PTPRZ1: variants seen among roughly 807,000 people sequenced by gnomAD.
PTPRZ1 encodes protein tyrosine phosphatase receptor type Z1, also known as receptor-type tyrosine-protein phosphatase zeta.
In PTPRZ1, 82 loss-of-function variants were observed where a neutral mutation model predicts 214.1. The observed-to-expected ratio is 0.38, with a 90% confidence interval of 0.32 to 0.46. PTPRZ1 has a LOEUF of 0.46. Ranked by LOEUF, PTPRZ1 falls within the 20% of genes least tolerant of loss-of-function variation. The pLI is 1.00. For synonymous variants in PTPRZ1, 945 were observed against 987.9 expected, an observed-to-expected ratio of 0.96 and a Z score of 0.81; for missense variants, 2,603 against 2,748.7, an observed-to-expected ratio of 0.95 and a Z score of 1.19.
chr7:121,925,641 G>GT (rs1321885472), intron 1 of PTPRZ1, among the ~76,000 whole-genome samples: 1 of 152,198 alleles, frequency 6.6e-6, no homozygotes, highest in Non-Finnish European at 1.5e-5. Flanking sequence ...AGGTTTTTAA[G>GT]TGCTGGAGTG....
Position 122,011,567 on chromosome 7 carries a change from A to G in PTPRZ1, c.2521A>G (p.Ile841Val). The change falls in exon 12 of 30, where the codon ATC becomes GTC. Residue 841 changes from isoleucine to valine, a missense_variant. Physicochemically the swap from Ile to Val is conservative, Grantham distance 29 (BLOSUM62 3). This residue lies in a region of PTPRZ1 where 1,913 missense variants were observed against 1,914.3 expected (regional missense o/e 1.00). Coordinates refer to ENST00000393386, the MANE Select transcript of PTPRZ1 (RefSeq NM_002851.3). Reference sequence around the variant, plus strand: ...TCGCCATCTGCATACAGTTTCTCAAATCCTTCCACAAGTTACTTCAGCTAC... The same window carrying G: ...TCGCCATCTGCATACAGTTTCTCAAGTCCTTCCACAAGTTACTTCAGCTAC... ...LFRHLHTVSQ[I>V]LPQVTSATES... The G allele has an allele frequency of 6.2e-7, 1 of 1,613,950 alleles. No homozygotes were observed. The highest frequency in any genetic ancestry group is 8.5e-7 in the Non-Finnish European group (1 of 1,179,984).
intron 11 of PTPRZ1, 28 bp downstream of exon 11, chr7:122,004,688 GT>G: frequency 8.2e-7 from 1 of 1,217,340 alleles, no homozygotes; most frequent in Non-Finnish European, 1.2e-6. Context: ...ATATTCAAAT[GT>G]TTTAATATTA....
chr7:122,045,683 T>TGCACACACACAC (rs1799870931), intron 23 of PTPRZ1, among the ~76,000 whole-genome samples: 1 of 146,500 alleles, frequency 6.8e-6, no homozygotes, highest in Non-Finnish European at 1.5e-5. Flanking sequence ...CTAAATAAAT[T>TGCACACACACAC]ACACACACAC....
chr7:121,989,772 T>C (rs138154311), intron 8 of PTPRZ1, among the ~76,000 whole-genome samples: 3 of 152,288 alleles, frequency 2.0e-5, no homozygotes, highest in Admixed American at 2.0e-4. Flanking sequence ...TTTTATTAAA[T>C]TCAATCTGAA....
chr7:121,978,825 A>G (rs543775224), intron 6 of PTPRZ1, among the ~76,000 whole-genome samples: 1 of 152,262 alleles, frequency 6.6e-6, no homozygotes, highest in African/African-American at 2.4e-5. Context: ...CCCAAACCAA[A>G]TAAGTTAAGT....
At chr7:121,967,871 A>G (rs1021630372) in intron 2 of PTPRZ1, 80 bp from the exon 3 acceptor site, 3 of 967,280 alleles carry the variant, frequency 3.1e-6, no homozygotes, top group Admixed American at 5.4e-5. Context: ...ATTTTTATGT[A>G]ATGTATTAAC....
intron 12 of PTPRZ1, among the ~76,000 whole-genome samples, chr7:122,015,711 A>G (rs1798823492): frequency 6.6e-6 from 1 of 152,090 alleles, no homozygotes; most frequent in Admixed American, 6.5e-5. Flanking sequence ...AAGGATATAT[A>G]TAATGAGATG....
chr7:121,953,542 C>A (rs1459844151), intron 2 of PTPRZ1, among the ~76,000 whole-genome samples: 2 of 152,148 alleles, frequency 1.3e-5, no homozygotes, highest in Admixed American at 6.6e-5. Flanking sequence ...TATCACTTTG[C>A]AATACAAAGA....
intron 2 of PTPRZ1, among the ~76,000 whole-genome samples, chr7:121,965,506 A>G (rs1797022716): frequency 6.6e-6 from 1 of 152,198 alleles, no homozygotes; most frequent in Admixed American, 6.6e-5. Context: ...TCACTTCTCC[A>G]AAACTAGCAA....
At chr7:121,928,093 C>A in intron 1 of PTPRZ1, 63 bp from the exon 2 acceptor site, 1 of 1,155,112 alleles carries the variant, frequency 8.7e-7, no homozygotes, top group Non-Finnish European at 1.3e-6. Flanking sequence ...ATAATTTGGG[C>A]ATCTTTTATT....
At chr7:121,919,574 A>G (rs1381824742) in intron 1 of PTPRZ1, among the ~76,000 whole-genome samples, 2 of 152,084 alleles carry the variant, frequency 1.3e-5, no homozygotes, top group African/African-American at 4.8e-5. Flanking sequence ...GATTAATTTA[A>G]TGTTCACTTT....
At chr7:121,957,056 A>G (rs562912063) in intron 2 of PTPRZ1, among the ~76,000 whole-genome samples, 2 of 152,362 alleles carry the variant, frequency 1.3e-5, no homozygotes, top group Admixed American at 6.5e-5. Flanking sequence ...AAAAATGCGC[A>G]CACTTCGCTT....
Position 121,873,328 on chromosome 7 carries a change from T to TCTCTCA in PTPRZ1, c.-171_-170insTCTCAC, listed in dbSNP as rs1554421601. On this transcript the variant is annotated 5_prime_UTR_variant, in exon 1 of 30. Transcript: ENST00000393386. ...GTCTCTGTCTCTGTCTCTCTCTCTC[T>TCTCTCA]CACACACACACACACACACACAAAC... The TCTCTCA allele has an allele frequency of 2.3e-4, 120 of 533,196 alleles. No individual in the cohort carries two copies. The highest frequency in any genetic ancestry group is 1.6e-3 in the African/African-American group (83 of 50,762). The allele number at this position is 533,196 out of a possible 1,614,324, so 33.0% of individuals were successfully genotyped here.
At chr7:122,046,039 G>A (rs1035405212) in intron 23 of PTPRZ1, among the ~76,000 whole-genome samples, 1 of 152,140 alleles carries the variant, frequency 6.6e-6, no homozygotes, top group Admixed American at 6.5e-5. Flanking sequence ...CCAGGCTTTT[G>A]TGTTATTAGG....
At chr7:121,906,633 T>G (rs1270663070) in intron 1 of PTPRZ1, among the ~76,000 whole-genome samples, 1 of 152,128 alleles carries the variant, frequency 6.6e-6, no homozygotes, top group East Asian at 1.9e-4. Context: ...ATAAGATTTG[T>G]TTGAAGGGGC....
intron 11 of PTPRZ1, among the ~76,000 whole-genome samples, chr7:122,006,054 A>T (rs879343303): frequency 6.6e-6 from 1 of 152,136 alleles, no homozygotes; most frequent in Non-Finnish European, 1.5e-5. Flanking sequence ...TTCTACATAA[A>T]ACTATAATAT....
At position 122,038,846 on chromosome 7, in the gene PTPRZ1, T is replaced by C. The variant is rs183170325; in HGVS notation, c.5459T>C (p.Val1820Ala). The C allele has an allele frequency of 5.0e-6, 8 of 1,613,884 alleles. No homozygotes were observed. The Admixed American group carries it at 5.0e-5, about 10-fold the overall frequency. The change falls in exon 19 of 30, where the codon GTG (valine) becomes GCG (alanine). Residue 1820 changes from valine (V) to alanine (A), a missense_variant. Physicochemically the swap from Val to Ala is moderately conservative, Grantham distance 64 (BLOSUM62 0). Around this residue, in one of 6 missense-constraint regions of PTPRZ1, gnomAD observed 1,913 missense variants for 1,914.3 expected, o/e 1.00. Transcript: ENST00000393386. Reference protein sequence around the residue: ...DFWRMIWEHNVEVIVMITNLV... With the variant: ...DFWRMIWEHNAEVIVMITNLV... The stretch of plus-strand genomic sequence containing the variant: ...TGGAGAATGATATGGGAACATAATG[T>C]GGAAGTTATTGTCATGATAACAAAC...
At chr7:121,885,192 T>C (rs1349775471) in intron 1 of PTPRZ1, among the ~76,000 whole-genome samples, 1 of 152,234 alleles carries the variant, frequency 6.6e-6, no homozygotes, top group Non-Finnish European at 1.5e-5. Flanking sequence ...TCTTCTTATA[T>C]GTTCTGTTCA....
chr7:122,052,042 G>A, intron 25 of PTPRZ1, 103 bp downstream of exon 25: 1 of 848,968 alleles, frequency 1.2e-6, no homozygotes, highest in Non-Finnish European at 1.8e-6. Context: ...GCAAATGAGT[G>A]GTAAATTTAA....
Sources: gnomAD v4.1 joint callset for allele counts (sites outside exome capture counted in the v4.1 genomes callset) on GRCh38, gnomAD v4.1.1 for gene constraint, gnomAD v4.1.1 regional missense constraint, MANE v1.5 for transcripts, NCBI Gene and HGNC (gene_info 2026-07-23, HGNC 2026-07-21) for gene names.